Variants in FGF10 observed in about 807,000 individuals in gnomAD.
FGF10 encodes FGF-10.
Under a neutral mutation model 19.8 loss-of-function variants are expected in FGF10, and 2 were observed. The observed-to-expected ratio is 0.10, with a 90% CI of 0.04 to 0.32. The LOEUF is 0.32. Among genes scored for constraint, FGF10 ranks in the 10% least tolerant of loss-of-function variants. The probability of loss-of-function intolerance (pLI) is 1.00; values close to 1 mark genes in which losing one functional copy is unlikely to be tolerated. For synonymous variants in FGF10, 112 were observed against 94.0 expected (o/e 1.19, Z -1.10); for missense variants, 191 against 246.3 (o/e 0.78, Z 1.50).
chr5:44,368,665 A>T (rs1323143963), intron 1 of FGF10, among the ~76,000 whole-genome samples: 2 of 151,836 alleles, frequency 1.3e-5, no homozygotes, highest in Non-Finnish European at 2.9e-5. Context: ...TGTGCTGTCA[A>T]TTTTTTTGTT....
chr5:44,306,459 T>C (rs1740078561), intron 2 of FGF10, among the ~76,000 whole-genome samples: 1 of 152,152 alleles, frequency 6.6e-6, no homozygotes, highest in Non-Finnish European at 1.5e-5. Context: ...ATACTCAAAC[T>C]AAAGTAGTTA....
At chr5:44,347,586 T>C (rs1041904049) in intron 1 of FGF10, among the ~76,000 whole-genome samples, 1 of 151,768 alleles carries the variant, frequency 6.6e-6, no homozygotes, top group Admixed American at 6.6e-5. Flanking sequence ...TTTCTTCTCT[T>C]GCTAAGAATC....
At chr5:44,373,861 C>T (rs934205856) in intron 1 of FGF10, among the ~76,000 whole-genome samples, 3 of 152,114 alleles carry the variant, frequency 2.0e-5, no homozygotes, top group Admixed American at 6.5e-5. Context: ...ATCCATCCAG[C>T]TTATGTCCAC....
chr5:44,379,592 A>T (rs1442147765), intron 1 of FGF10, among the ~76,000 whole-genome samples: 1 of 152,194 alleles, frequency 6.6e-6, no homozygotes, highest in South Asian at 2.1e-4. Flanking sequence ...TTTAGCAGGA[A>T]CTGGGACTTA....
chr5:44,349,451 T>TGTCAGA (rs1330824805), intron 1 of FGF10, among the ~76,000 whole-genome samples: 1 of 16,696 alleles, frequency 6.0e-5, no homozygotes, highest in Non-Finnish European at 1.6e-4. Context: ...TATATATATA[T>TGTCAGA]ATATATATAT....
chr5:44,314,555 T>G (rs569376089), intron 1 of FGF10, among the ~76,000 whole-genome samples: 1 of 152,294 alleles, frequency 6.6e-6, no homozygotes, highest in Non-Finnish European at 1.5e-5. Flanking sequence ...GGAGAAAATT[T>G]TGTGACTTGA....
chr5:44,332,634 T>C (rs1740761622), intron 1 of FGF10, among the ~76,000 whole-genome samples: 1 of 152,186 alleles, frequency 6.6e-6, no homozygotes, highest in Non-Finnish European at 1.5e-5. Flanking sequence ...CTTCTCAAGC[T>C]ATACACATCA....
In FGF10 at chr5:44,304,176, A is replaced by G. The variant is rs926395346; in HGVS notation, c.*819T>C. ...GCAGAAGTGCAAATTAAGTCAACTG[A>G]TAGCACACGGGCACTCATACTGCTT... is the stretch of plus-strand genomic sequence containing the variant. On this transcript the variant is annotated 3_prime_UTR_variant, in exon 3 of 3. Transcript: ENST00000264664. 6.6e-6 allele frequency: 1 copy of G among 152,168 alleles called. No individual in the cohort carries two copies. The allele number at this position is 152,168 out of a possible 1,614,324, so 9.4% of individuals were successfully genotyped here. A position where few individuals can be genotyped will look rare whatever the true frequency, so the allele number is the denominator to read the frequency against.
At chr5:44,370,204 T>C (rs747497644) in intron 1 of FGF10, among the ~76,000 whole-genome samples, 1 of 152,120 alleles carries the variant, frequency 6.6e-6, no homozygotes, top group Non-Finnish European at 1.5e-5. Flanking sequence ...TCCAAGCCTG[T>C]TTTCTAAATG....
At chr5:44,355,890 C>T (rs377439220) in intron 1 of FGF10, among the ~76,000 whole-genome samples, 3 of 151,300 alleles carry the variant, frequency 2.0e-5, no homozygotes, top group African/African-American at 7.3e-5. Context: ...GCAGCTTTTC[C>T]CAAAAGACTT....
chr5:44,331,148 A>C (rs934772474), intron 1 of FGF10, among the ~76,000 whole-genome samples: 2 of 152,078 alleles, frequency 1.3e-5, no homozygotes, highest in Admixed American at 1.3e-4. Context: ...TTGGGAGCTA[A>C]ATTTAAATTT....
intron 1 of FGF10, among the ~76,000 whole-genome samples, chr5:44,317,529 T>C (rs1388435242): frequency 2.0e-5 from 3 of 152,122 alleles, no homozygotes; most frequent in Non-Finnish European, 2.9e-5. Flanking sequence ...CAATGCAATA[T>C]AGGGACAATA....
At chr5:44,378,967 T>C (rs1741929464) in intron 1 of FGF10, among the ~76,000 whole-genome samples, 1 of 152,208 alleles carries the variant, frequency 6.6e-6, no homozygotes, top group Non-Finnish European at 1.5e-5. Context: ...GATTTCAAAC[T>C]TCTGCCACAT....
At chr5:44,310,822 T>TA (rs1277320262) in intron 1 of FGF10, among the ~76,000 whole-genome samples, 2 of 152,150 alleles carry the variant, frequency 1.3e-5, no homozygotes, top group African/African-American at 4.8e-5. Context: ...CTTCCTTTGC[T>TA]AACTCTGCAT....
At chr5:44,376,327 G>A (rs533006709) in intron 1 of FGF10, among the ~76,000 whole-genome samples, 2 of 151,848 alleles carry the variant, frequency 1.3e-5, no homozygotes, top group South Asian at 2.1e-4. Flanking sequence ...CATAGTGTCA[G>A]TAGGGGGGTG....
chr5:44,356,129 T>C (rs922068179), intron 1 of FGF10, among the ~76,000 whole-genome samples: 6 of 151,586 alleles, frequency 4.0e-5, no homozygotes, highest in Non-Finnish European at 8.9e-5. Flanking sequence ...TTTTAACAAA[T>C]TTGAGAATCA....
rs779192199 is a variant in FGF10, at chr5:44,388,647, G to A, written c.36C>T (p.Ala12=). The A allele has an allele frequency of 5.6e-6, 9 of 1,614,128 alleles. No homozygotes were observed. The highest frequency in any genetic ancestry group is 7.6e-6 in the Non-Finnish European group (9 of 1,180,018). The stretch of plus-strand genomic sequence containing the variant: ...AGCAGCAGCCGGGCAGGTGGGGAAA[G>A]GCTGAGGCACAATGTGTCAGTATCC... The part of the protein sequence containing the change: ...WKWILTHCAS[A]FPHLPGCCCC... The change falls in exon 1 of 3, where the codon GCC becomes GCT. Residue 12 remains alanine, a synonymous_variant. Transcript: ENST00000264664.
chr5:44,325,340 A>T (rs1162552853), intron 1 of FGF10, among the ~76,000 whole-genome samples: 2 of 151,970 alleles, frequency 1.3e-5, no homozygotes, highest in Non-Finnish European at 2.9e-5. Context: ...TTCCTCAGGG[A>T]TCTAGAACTA....
chr5:44,378,714 G>A (rs1003212588), intron 1 of FGF10, among the ~76,000 whole-genome samples: 2 of 152,164 alleles, frequency 1.3e-5, no homozygotes, highest in Non-Finnish European at 2.9e-5. Flanking sequence ...TACAGGGTCA[G>A]CCACTGCGCC....
Sources: gnomAD v4.1 joint callset for allele counts (sites outside exome capture counted in the v4.1 genomes callset) on GRCh38, gnomAD v4.1.1 for gene constraint, MANE v1.5 for transcripts, NCBI Gene and HGNC (gene_info 2026-07-23, HGNC 2026-07-21) for gene names.